Variants in ESR1 observed in about 807,000 individuals in gnomAD.
ESR1 encodes estrogen receptor 1, also known as estrogen receptor.
ESR1 carries 12 observed loss-of-function variants against 52.7 expected under a neutral mutation model. The ratio of observed to expected loss-of-function variants is 0.23; its 90% CI spans 0.15 to 0.37. The LOEUF is 0.37. Among genes scored for constraint, ESR1 ranks in the 10% least tolerant of loss-of-function variants. The pLI, the probability that ESR1 is intolerant of heterozygous loss-of-function variation, is 1.00. For synonymous variants in ESR1, 305 were observed against 316.8 expected (o/e 0.96, Z 0.39); for missense variants, 584 against 779.7 (o/e 0.75, Z 2.99).
chr6:152,044,903 A>T (rs1328457523), intron 5 of ESR1, among the ~76,000 whole-genome samples: 1 of 152,210 alleles, frequency 6.6e-6, no homozygotes, highest in Non-Finnish European at 1.5e-5. Context: ...CCTTCAATTC[A>T]ATCACATTGA....
At chr6:151,669,325 A>G (rs1434073452) in intron 1 of ESR1, among the ~76,000 whole-genome samples, 5 of 151,864 alleles carry the variant, frequency 3.3e-5, no homozygotes, top group African/African-American at 1.2e-4. Flanking sequence ...GAGGAAGTAC[A>G]GGAGGGGTGA....
intron 3 of ESR1, among the ~76,000 whole-genome samples, chr6:151,916,783 C>T (rs1361122420): frequency 6.6e-6 from 1 of 152,120 alleles, no homozygotes; most frequent in Non-Finnish European, 1.5e-5. Context: ...TTTATTGAGT[C>T]CATAATTTGC....
At chr6:151,991,532 G>A (rs1366198063) in intron 4 of ESR1, among the ~76,000 whole-genome samples, 1 of 151,984 alleles carries the variant, frequency 6.6e-6, no homozygotes, top group Non-Finnish European at 1.5e-5. Context: ...GGAACAAAAC[G>A]ATGGCAGAGA....
At chr6:151,819,683 A>G (rs956599903) in intron 1 of ESR1, among the ~76,000 whole-genome samples, 1 of 152,178 alleles carries the variant, frequency 6.6e-6, no homozygotes, top group Non-Finnish European at 1.5e-5. Context: ...GGTGAGTTGC[A>G]TAATTATTTC....
intron 2 of ESR1, among the ~76,000 whole-genome samples, chr6:151,794,117 A>G (rs1490656554): frequency 6.6e-6 from 1 of 152,208 alleles, no homozygotes; most frequent in African/African-American, 2.4e-5. Context: ...ACTCATGAAT[A>G]TGTTAACAAC....
At chr6:151,746,949 C>T (rs780529972) in intron 2 of ESR1, among the ~76,000 whole-genome samples, 5 of 152,082 alleles carry the variant, frequency 3.3e-5, no homozygotes, top group African/African-American at 9.7e-5. Flanking sequence ...CGCAACATGC[C>T]GGAATGACAT....
chr6:151,813,142 A>AT (rs2128170585), intron 1 of ESR1: 1 of 152,300 alleles, frequency 6.6e-6, no homozygotes, highest in African/African-American at 2.4e-5. Flanking sequence ...GCCTTGGATA[A>AT]TATCAGGAGG....
chr6:151,723,131 C>T (rs1436749034), intron 2 of ESR1, among the ~76,000 whole-genome samples: 1 of 151,978 alleles, frequency 6.6e-6, no homozygotes, highest in African/African-American at 2.4e-5. Context: ...CTAAAATGAC[C>T]ACAAAGACCT....
intron 1 of ESR1, 53 bp downstream of exon 1, chr6:151,808,417 AG>A: frequency 4.5e-6 from 1 of 224,638 alleles, no homozygotes; most frequent in Non-Finnish European, 8.2e-6. Flanking sequence ...GGCAGGAGGG[AG>A]GGAGGGAGGG....
At chr6:152,022,530 G>A (rs1420705377) in intron 5 of ESR1, among the ~76,000 whole-genome samples, 1 of 152,110 alleles carries the variant, frequency 6.6e-6, no homozygotes, top group Non-Finnish European at 1.5e-5. Flanking sequence ...ATAGAGAAAA[G>A]GTATCCAAAG....
At chr6:151,686,440 T>C (rs569733531), upstream of ESR1, among the ~76,000 whole-genome samples, 21 of 152,048 alleles carry the variant, frequency 1.4e-4, no homozygotes, top group East Asian at 1.2e-3. Flanking sequence ...AATCCCAGCA[T>C]TTTGGGAGGC....
intron 5 of ESR1, among the ~76,000 whole-genome samples, chr6:152,046,504 A>G (rs968566925): frequency 6.6e-6 from 1 of 152,222 alleles, no homozygotes; most frequent in Non-Finnish European, 1.5e-5. Context: ...TGGTGGTTAC[A>G]TATTGACTGT....
intron 5 of ESR1, among the ~76,000 whole-genome samples, chr6:152,041,034 C>G (rs2045750082): frequency 6.6e-6 from 1 of 152,168 alleles, no homozygotes; most frequent in Non-Finnish European, 1.5e-5. Context: ...ATTTAGGTAG[C>G]TTGGTGATTT....
intron 4 of ESR1, among the ~76,000 whole-genome samples, chr6:151,999,609 A>T (rs1323180377): frequency 2.0e-5 from 3 of 152,124 alleles, no homozygotes; most frequent in Non-Finnish European, 4.4e-5. Flanking sequence ...AGGATGCATG[A>T]AATTCTTACT....
At chr6:151,751,525 G>C (rs1783900154) in intron 2 of ESR1, among the ~76,000 whole-genome samples, 1 of 152,118 alleles carries the variant, frequency 6.6e-6, no homozygotes, top group Admixed American at 6.6e-5. Context: ...GACTTTGAAT[G>C]GTTTATGAAA....
chr6:152,102,452 A>C lies in ESR1; in HGVS notation c.*3486A>C, dbSNP rs1024814677. On this transcript the variant is annotated 3_prime_UTR_variant, in exon 8 of 8. Transcript: ENST00000206249. ...AGCTAGTTATGTGAAAGGCAAATAG[A>C]GTCATACAGTAGCTCAAAAGGCAAC... 43 of 208,536 alleles carry C rather than the reference A, an allele frequency of 2.1e-4. No individual in the cohort carries two copies. The highest frequency in any genetic ancestry group is 2.0e-5 in the Non-Finnish European group (2 of 102,502). 12.9% of individuals were successfully genotyped at this position (208,536 alleles called of 1,614,324 possible).
intron 2 of ESR1, among the ~76,000 whole-genome samples, chr6:151,727,570 C>CT (rs1307725094): frequency 1.3e-5 from 2 of 152,116 alleles, no homozygotes; most frequent in African/African-American, 2.4e-5. Flanking sequence ...AATATACTAT[C>CT]TTTTTTTAAG....
intron 2 of ESR1, among the ~76,000 whole-genome samples, chr6:151,871,257 A>T (rs1227905396): frequency 6.6e-6 from 1 of 152,016 alleles, no homozygotes; most frequent in Non-Finnish European, 1.5e-5. Context: ...TAAAAATAAA[A>T]ATAAAATTGT....
At chr6:151,898,997 C>G (rs1274437383) in intron 3 of ESR1, among the ~76,000 whole-genome samples, 1 of 151,530 alleles carries the variant, frequency 6.6e-6, no homozygotes, top group Non-Finnish European at 1.5e-5. Flanking sequence ...CGCCCCTCAC[C>G]TCCCGGACGG....
Sources: allele counts gnomAD v4.1 joint callset (sites outside exome capture counted in the v4.1 genomes callset), GRCh38; gene constraint gnomAD v4.1.1; transcripts MANE v1.5; gene names NCBI Gene and HGNC (gene_info 2026-07-23, HGNC 2026-07-21).